The following PTER variants were observed in gnomAD, a reference collection of about 807,000 sequenced individuals.
PTER encodes N-acetyltaurine hydrolase.
A neutral mutation model predicts 29.6 loss-of-function variants in PTER; 38 were observed. The ratio of observed to expected loss-of-function variants is 1.28; its 90% CI spans 0.99 to 1.68. The LOEUF (loss-of-function observed/expected upper bound fraction) is 1.68. Ranked by LOEUF, PTER falls within the 40% of genes most tolerant of loss-of-function variation. The pLI is 0.00. For synonymous variants in PTER, 172 were observed against 154.5 expected (o/e 1.11, Z -0.84); for missense variants, 482 against 427.8 (o/e 1.13, Z -1.12).
chr10:16,450,125 G>C (rs1207181573), intron 1 of PTER, among the ~76,000 whole-genome samples: 1 of 152,170 alleles, frequency 6.6e-6, no homozygotes, highest in African/African-American at 2.4e-5. Context: ...AGTCAGAAAA[G>C]TAAAGCAATT....
At chr10:16,447,967 G>C (rs1014632574) in intron 1 of PTER, among the ~76,000 whole-genome samples, 4 of 152,164 alleles carry the variant, frequency 2.6e-5, no homozygotes, top group Non-Finnish European at 5.9e-5. Flanking sequence ...ACTTCCATTT[G>C]ATGATGGAAT....
intron 3 of PTER, among the ~76,000 whole-genome samples, chr10:16,502,948 C>G (rs1836410357): frequency 7.1e-6 from 1 of 141,626 alleles, no homozygotes; most frequent in Admixed American, 7.2e-5. Flanking sequence ...GAGATCACGC[C>G]ACTGCACTCC....
intron 1 of PTER, among the ~76,000 whole-genome samples, chr10:16,473,519 G>GAAAAAAAAAAAA (rs72001271): frequency 2.5e-4 from 7 of 28,168 alleles, no homozygotes; most frequent in East Asian, 1.4e-3. Context: ...GACTCCATCC[G>GAAAAAAAAAAAA]AAAAAAAAAA....
chr10:16,473,515 A>G (rs1014008871), intron 1 of PTER, among the ~76,000 whole-genome samples: 1 of 105,818 alleles, frequency 9.5e-6, no homozygotes, highest in African/African-American at 4.0e-5. Flanking sequence ...GTGAGACTCC[A>G]TCCGAAAAAA....
At chr10:16,448,991 C>T (rs568288009) in intron 1 of PTER, among the ~76,000 whole-genome samples, 1 of 152,326 alleles carries the variant, frequency 6.6e-6, no homozygotes, top group South Asian at 2.1e-4. Flanking sequence ...CTTGGTTAAG[C>T]TTACAATAAT....
intron 3 of PTER, among the ~76,000 whole-genome samples, chr10:16,494,160 T>G (rs1412142139): frequency 6.6e-6 from 1 of 152,218 alleles, no homozygotes; most frequent in East Asian, 1.9e-4. Flanking sequence ...TTGTGCTATG[T>G]GGTAGCTGAA....
intron 3 of PTER, among the ~76,000 whole-genome samples, chr10:16,493,329 G>A (rs183830887): frequency 1.3e-4 from 20 of 152,286 alleles, no homozygotes; most frequent in African/African-American, 4.6e-4. Flanking sequence ...TAGTACAGGG[G>A]TGTTTGAGAA....
chr10:16,502,475 A>G (rs1836388431), intron 3 of PTER, among the ~76,000 whole-genome samples: 1 of 152,198 alleles, frequency 6.6e-6, no homozygotes, highest in Non-Finnish European at 1.5e-5. Context: ...GAACTAATGT[A>G]CATTTTATAG....
intron 4 of PTER, among the ~76,000 whole-genome samples, chr10:16,507,022 T>C (rs1836599131): frequency 1.3e-5 from 2 of 151,610 alleles, no homozygotes; most frequent in African/African-American, 4.8e-5. Flanking sequence ...ATGGGAACAG[T>C]TCAAGAGATT....
intron 1 of PTER, among the ~76,000 whole-genome samples, chr10:16,447,625 A>G (rs1834062671): frequency 6.6e-6 from 1 of 152,184 alleles, no homozygotes; most frequent in Non-Finnish European, 1.5e-5. Flanking sequence ...TAAATTTTAG[A>G]CCTTTTATCT....
intron 1 of PTER, among the ~76,000 whole-genome samples, chr10:16,445,714 C>T (rs933879198): frequency 3.9e-5 from 6 of 152,162 alleles, no homozygotes; most frequent in Admixed American, 1.3e-4. Context: ...ATGCACCATG[C>T]GTGGCTAGTG....
intron 1 of PTER, among the ~76,000 whole-genome samples, chr10:16,478,320 T>G (rs1156502079): frequency 6.8e-6 from 1 of 147,746 alleles, no homozygotes; most frequent in East Asian, 2.0e-4. Flanking sequence ...CTCTCCCTTT[T>G]CCTCCCTCGT....
chr10:16,439,348 T>C (rs1256637962), intron 1 of PTER, among the ~76,000 whole-genome samples: 4 of 152,078 alleles, frequency 2.6e-5, no homozygotes, highest in Non-Finnish European at 4.4e-5. Context: ...GAAGCATTTC[T>C]GAAAAAAAAT....
At chr10:16,502,462 A>C (rs1016287841) in intron 3 of PTER, among the ~76,000 whole-genome samples, 1 of 152,178 alleles carries the variant, frequency 6.6e-6, no homozygotes, top group African/African-American at 2.4e-5. Context: ...AGAAGATAGC[A>C]CAGAACTAAT....
intron 1 of PTER, among the ~76,000 whole-genome samples, chr10:16,463,811 A>G (rs1019860230): frequency 1.3e-5 from 2 of 152,174 alleles, no homozygotes; most frequent in Non-Finnish European, 2.9e-5. Context: ...TTGTTATACT[A>G]TTTTTAAAGG....
At chr10:16,465,023 C>T (rs1426458601) in intron 1 of PTER, among the ~76,000 whole-genome samples, 7 of 152,172 alleles carry the variant, frequency 4.6e-5, no homozygotes, top group Middle Eastern at 3.4e-3. Flanking sequence ...AACACTATCA[C>T]GAGAATAGCA....
intron 1 of PTER, among the ~76,000 whole-genome samples, chr10:16,473,495 G>A (rs1355083700): frequency 7.5e-6 from 1 of 133,306 alleles, no homozygotes; most frequent in South Asian, 2.6e-4. Flanking sequence ...ACTCCAGCCT[G>A]GGTGATAGAG....
rs765030515 is a variant in PTER at position 16,505,090 on chromosome 10, G to T, written c.769G>T (p.Gly257Cys). 9 of 1,613,728 alleles carry T rather than the reference G, an allele frequency of 5.6e-6. No homozygotes were observed. The highest frequency in any genetic ancestry group is 1.7e-5 in the Admixed American group (1 of 59,994). Residue 257 changes from glycine (G) to cysteine (C), a missense_variant, in exon 4 of 5, where the codon GGT becomes TGT. Gly to Cys is a radical substitution (Grantham distance 159). Coordinates refer to ENST00000535784, the MANE Select transcript of PTER (RefSeq NM_001261836.2). ...CTGCTACTTGGAATATGATCTCTTT[G>T]GTACTGAACTACTTCATTACCAACT... The part of the protein sequence containing the change: ...LGCYLEYDLF[G>C]TELLHYQLGP...
intron 1 of PTER, among the ~76,000 whole-genome samples, chr10:16,453,574 C>G (rs1834289961): frequency 6.6e-6 from 1 of 152,072 alleles, no homozygotes; most frequent in Non-Finnish European, 1.5e-5. Context: ...TCTGGAACTT[C>G]TGGGTTGTGA....
Sources: allele counts gnomAD v4.1 joint callset (sites outside exome capture counted in the v4.1 genomes callset), GRCh38; gene constraint gnomAD v4.1.1; transcripts MANE v1.5; gene names NCBI Gene and HGNC (gene_info 2026-07-23, HGNC 2026-07-21).